The following ATP2B2 variants were observed in gnomAD, a reference collection of about 807,000 sequenced individuals.
ATP2B2 encodes plasma membrane calcium-transporting ATPase 2.
ATP2B2 carries 15 observed loss-of-function variants against 120.0 expected under a neutral mutation model. That is an observed-to-expected ratio of 0.12 (90% CI 0.08 to 0.19). The LOEUF (loss-of-function observed/expected upper bound fraction) is 0.19. ATP2B2 is among the 10% of genes least tolerant of loss of function. The probability of loss-of-function intolerance (pLI) is 1.00; values close to 1 mark genes in which losing one functional copy is unlikely to be tolerated. For missense variants in ATP2B2, 1,045 were observed against 1,719.8 expected (o/e 0.61, Z 6.94); for synonymous variants, 694 against 700.3 (o/e 0.99, Z 0.14).
At chr3:10,413,048 A>T (rs1444863077) in intron 2 of ATP2B2, among the ~76,000 whole-genome samples, 1 of 151,944 alleles carries the variant, frequency 6.6e-6, no homozygotes, top group Non-Finnish European at 1.5e-5. Flanking sequence ...ATGGTCTAAT[A>T]TATGGTTTTA....
At position 10,342,092 on chromosome 3, in the gene ATP2B2, A is replaced by T. The variant is rs2060295285; in HGVS notation, c.2917+660T>A. 6.6e-6 allele frequency among the ~76,000 whole-genome samples: 1 copy of T among 152,046 alleles called. No homozygotes were observed. The highest frequency in any genetic ancestry group is 1.5e-5 in the Non-Finnish European group (1 of 68,000). On this transcript the variant is annotated intron_variant, in intron 19 of 22. Transcript: ENST00000360273. The surrounding 1 kb of genome is among the most constrained non-coding windows in gnomAD (Gnocchi z 4.4). ...TGACCTGGGGATAGGCTTTGTTGGG[A>T]TTGCCTCCGAAGCATCTGTGGAAAC...
intron 1 of ATP2B2, among the ~76,000 whole-genome samples, chr3:10,670,175 C>T (rs1417988526): frequency 6.6e-6 from 1 of 152,168 alleles, no homozygotes; most frequent in East Asian, 1.9e-4. Flanking sequence ...GTATGTATTC[C>T]AGCACGGTAA....
chr3:10,580,306 C>T (rs2068359223), intron 2 of ATP2B2, among the ~76,000 whole-genome samples: 1 of 152,176 alleles, frequency 6.6e-6, no homozygotes, highest in South Asian at 2.1e-4. Flanking sequence ...GAGTCATTAG[C>T]CTCTCTGGGT....
chr3:10,624,946 G>C (rs569191985), intron 1 of ATP2B2, among the ~76,000 whole-genome samples: 1 of 152,352 alleles, frequency 6.6e-6, no homozygotes, highest in South Asian at 2.1e-4. Flanking sequence ...ATGGCACCAG[G>C]CTGGAGCCAA....
chr3:10,439,803 G>A (rs1007431813), intron 2 of ATP2B2, among the ~76,000 whole-genome samples: 7 of 151,994 alleles, frequency 4.6e-5, no homozygotes, highest in Admixed American at 2.0e-4. Context: ...TTCGCTTAAG[G>A]CCAGGAGTTC....
chr3:10,353,244 C>T (rs953357362), intron 14 of ATP2B2, among the ~76,000 whole-genome samples: 26 of 152,222 alleles, frequency 1.7e-4, no homozygotes, highest in African/African-American at 6.0e-4. Context: ...GGGTTTTGTG[C>T]TGCTTCAGTG....
At chr3:10,455,255 C>G (rs923791267) in intron 1 of ATP2B2, among the ~76,000 whole-genome samples, 1 of 152,170 alleles carries the variant, frequency 6.6e-6, no homozygotes, top group African/African-American at 2.4e-5. Context: ...GATGCATGCA[C>G]TGCCCTCCAC....
chr3:10,479,370 C>G (rs1206937050), intron 1 of ATP2B2, among the ~76,000 whole-genome samples: 1 of 151,788 alleles, frequency 6.6e-6, no homozygotes, highest in Admixed American at 6.6e-5. Flanking sequence ...TTCCTTCTGC[C>G]TAGAATGCTG....
chr3:10,529,154 A>G (rs2067159562), intron 3 of ATP2B2, among the ~76,000 whole-genome samples: 1 of 152,208 alleles, frequency 6.6e-6, no homozygotes, highest in South Asian at 2.1e-4. Flanking sequence ...GATGAGAGGG[A>G]GTAGGGGCTC....
At chr3:10,496,978 G>A (rs939263090) in intron 1 of ATP2B2, among the ~76,000 whole-genome samples, 1 of 152,248 alleles carries the variant, frequency 6.6e-6, no homozygotes, top group South Asian at 2.1e-4. Context: ...ATTTTGCTGT[G>A]TCAACTCTGC....
At chr3:10,604,080 C>A (rs937023701) in intron 2 of ATP2B2, among the ~76,000 whole-genome samples, 1 of 152,172 alleles carries the variant, frequency 6.6e-6, no homozygotes, top group Non-Finnish European at 1.5e-5. Flanking sequence ...CTCCCAGATG[C>A]CCCAACTTGG....
chr3:10,373,338 C>G (rs2061294700), intron 11 of ATP2B2, among the ~76,000 whole-genome samples: 1 of 152,220 alleles, frequency 6.6e-6, no homozygotes, highest in Non-Finnish European at 1.5e-5. Context: ...CGTTTAACCT[C>G]ACAGCCTGGA....
intron 2 of ATP2B2, among the ~76,000 whole-genome samples, chr3:10,559,841 A>AT (rs1227077656): frequency 5.9e-5 from 9 of 152,184 alleles, no homozygotes; most frequent in African/African-American, 2.2e-4. Context: ...AGTCCCGGGT[A>AT]TTCCATTTCC....
rs150058815 is a variant in ATP2B2, at chr3:10,435,892, A to G, written c.199+13453T>C. 3.2e-4 allele frequency among the ~76,000 whole-genome samples: 49 copies of G among 152,388 alleles called. 1 individual carries two copies. Among genetic ancestry groups the G allele is most frequent in the Admixed American group, 1.4e-3 (22 of 15,312 alleles). The stretch of plus-strand genomic sequence containing the variant: ...ATTATAAAAGAAAAAACTACAGCTT[A>G]AAGAAATTATCAAGAAGAGAAGCAA... On this transcript the variant is annotated intron_variant, in intron 2 of 22. Transcript: ENST00000360273.
chr3:10,334,118 T>C (rs1267132738), intron 22 of ATP2B2, among the ~76,000 whole-genome samples: 2 of 152,186 alleles, frequency 1.3e-5, no homozygotes, highest in Admixed American at 6.5e-5. Context: ...AAAGCTAAGA[T>C]GAGGGGCTGA....
chr3:10,615,509 C>A (rs2069361139), intron 2 of ATP2B2, among the ~76,000 whole-genome samples: 1 of 152,200 alleles, frequency 6.6e-6, no homozygotes, highest in African/African-American at 2.4e-5. Flanking sequence ...TTACACTGAG[C>A]TCCAACAGTC....
At chr3:10,537,804 T>G (rs540954573) in intron 2 of ATP2B2, among the ~76,000 whole-genome samples, 6 of 152,344 alleles carry the variant, frequency 3.9e-5, no homozygotes, top group Middle Eastern at 3.4e-3. Context: ...AAAAATGCTC[T>G]TTATCAAGGT....
chr3:10,579,537 G>T (rs976215155), intron 2 of ATP2B2, among the ~76,000 whole-genome samples: 4 of 152,232 alleles, frequency 2.6e-5, no homozygotes, highest in Non-Finnish European at 4.4e-5. Context: ...AGCTGGGCAT[G>T]GTGGTGCACA....
intron 1 of ATP2B2, among the ~76,000 whole-genome samples, chr3:10,697,183 C>T (rs1373713870): frequency 6.6e-6 from 1 of 152,150 alleles, no homozygotes; most frequent in Non-Finnish European, 1.5e-5. Flanking sequence ...ATTTTCACTG[C>T]ACCACGCCTT....
Sources: allele counts gnomAD v4.1 joint callset (sites outside exome capture counted in the v4.1 genomes callset), GRCh38; gene constraint gnomAD v4.1.1; non-coding constraint Gnocchi (gnomAD v3.1); transcripts MANE v1.5; gene names NCBI Gene and HGNC (gene_info 2026-07-23, HGNC 2026-07-21).